TSPAN9: variants seen among roughly 807,000 people sequenced by gnomAD.
TSPAN9 encodes the protein tetraspanin 9, also known as tetraspanin-9.
A neutral mutation model predicts 31.0 loss-of-function variants in TSPAN9; 16 were observed. That is an observed-to-expected ratio of 0.52 (90% CI 0.35 to 0.78). TSPAN9 has a LOEUF of 0.78. Ranked by LOEUF, TSPAN9 falls within the 30% of genes least tolerant of loss-of-function variation. The probability of loss-of-function intolerance (pLI) is 0.01; values close to 1 mark genes in which losing one functional copy is unlikely to be tolerated. For synonymous variants in TSPAN9, 145 were observed against 121.6 expected (o/e 1.19, Z -1.27); for missense variants, 272 against 312.5 (o/e 0.87, Z 0.98).
intron 2 of TSPAN9, among the ~76,000 whole-genome samples, chr12:3,183,468 T>C (rs73252610): frequency 0.016 from 2,473 of 152,200 alleles, 72 homozygotes; most frequent in African/African-American, 0.057. Flanking sequence ...CCAGAGAGGC[T>C]CTAGTTTGGG....
At chr12:3,140,739 G>T (rs2098334404) in intron 2 of TSPAN9, among the ~76,000 whole-genome samples, 1 of 152,082 alleles carries the variant, frequency 6.6e-6, no homozygotes, top group Admixed American at 6.5e-5. Context: ...GGATGTTTGG[G>T]GTGTGGGGGC....
intron 3 of TSPAN9, among the ~76,000 whole-genome samples, chr12:3,223,090 G>T (rs192726593): frequency 6.6e-6 from 1 of 152,322 alleles, no homozygotes; most frequent in African/African-American, 2.4e-5. Flanking sequence ...CATCAGTGCC[G>T]TTGCCTCTAT....
At chr12:3,131,697 C>T (rs2098329890) in intron 2 of TSPAN9, among the ~76,000 whole-genome samples, 1 of 152,178 alleles carries the variant, frequency 6.6e-6, no homozygotes, top group Non-Finnish European at 1.5e-5. Context: ...GTCGGATAGG[C>T]CCTCAGGTGT....
chr12:3,149,233 G>A (rs772055617), intron 2 of TSPAN9, among the ~76,000 whole-genome samples: 2 of 152,138 alleles, frequency 1.3e-5, no homozygotes, highest in Non-Finnish European at 2.9e-5. Context: ...TGTTTCTTCC[G>A]GCTTACTGGT....
intron 2 of TSPAN9, among the ~76,000 whole-genome samples, chr12:3,131,647 C>A (rs79365925): frequency 0.044 from 6,703 of 152,186 alleles, 467 homozygotes; most frequent in African/African-American, 0.15. Flanking sequence ...AGGTTCCATA[C>A]TCTGGGAACT....
intron 2 of TSPAN9, among the ~76,000 whole-genome samples, chr12:3,175,086 A>C (rs2098354760): frequency 6.6e-6 from 1 of 152,102 alleles, no homozygotes; most frequent in African/African-American, 2.4e-5. Flanking sequence ...CACAACCCTG[A>C]GTGCTGTGCA....
rs1044056984 is a variant in TSPAN9, at chr12:3,165,821, A to T, written c.-17-35356A>T. Among the ~76,000 whole-genome samples, 4 of 152,284 alleles carry T rather than the reference A, an allele frequency of 2.6e-5. No homozygotes were observed. In the East Asian group the frequency reaches 5.8e-4, roughly 22 times the overall value. ...GCTGCCTCCTAGAATCTGCTGCATC[A>T]TTGGAGTTGCCGAGCTCCCAGGGGT... On this transcript the variant is annotated intron_variant, in intron 2 of 8. Coordinates refer to ENST00000011898, the MANE Select transcript of TSPAN9 (RefSeq NM_006675.5).
intron 3 of TSPAN9, among the ~76,000 whole-genome samples, chr12:3,230,733 T>C (rs978910315): frequency 2.6e-5 from 4 of 152,018 alleles, no homozygotes; most frequent in African/African-American, 9.7e-5. Context: ...CTGCCCTCAG[T>C]TATCTCCTTC....
chr12:3,125,029 C>CTTTA (rs1459820783), intron 2 of TSPAN9: 1 of 152,020 alleles, frequency 6.6e-6, no homozygotes, highest in East Asian at 1.9e-4. Context: ...TGCCATTGTG[C>CTTTA]TTTAGCCTGG....
intron 3 of TSPAN9, chr12:3,211,573 T>C (rs1346797613): frequency 6.5e-6 from 7 of 1,083,272 alleles, no homozygotes; most frequent in Non-Finnish European, 8.0e-6. Context: ...TCATTCATCA[T>C]CTTAGGGAAA....
intron 2 of TSPAN9, among the ~76,000 whole-genome samples, chr12:3,142,117 G>A (rs1433127144): frequency 6.6e-6 from 1 of 152,130 alleles, no homozygotes; most frequent in African/African-American, 2.4e-5. Flanking sequence ...AGAGGTTAAG[G>A]AAGCTGCCCA....
intron 2 of TSPAN9, among the ~76,000 whole-genome samples, chr12:3,109,299 T>TGTGTGTGTGTGAGA (rs1274383200): frequency 1.3e-4 from 15 of 118,290 alleles, no homozygotes; most frequent in African/African-American, 6.8e-4. Context: ...TGTGTGTGTG[T>TGTGTGTGTGTGAGA]GAGAGAGAGT....
In TSPAN9 at chr12:3,285,255, G is replaced by T. The variant is rs71577863; in HGVS notation, c.*2139G>T. On this transcript the variant is annotated 3_prime_UTR_variant, in exon 9 of 9. Coordinates refer to ENST00000011898, the MANE Select transcript of TSPAN9 (RefSeq NM_006675.5). ...CACGGTGGGACCCGGGGCCTCGTGC[G>T]TTTTTTGCTGTGGGTGGGGTGGGTG... is the stretch of plus-strand genomic sequence containing the variant. The T allele has an allele frequency of 3.5e-4, 3 of 8,564 alleles. No individual in the cohort carries two copies. Among genetic ancestry groups the T allele is most frequent in the African/African-American group, 6.3e-4 (1 of 1,576 alleles). The allele number at this position is 8,564 out of a possible 1,614,324, so 0.5% of individuals were successfully genotyped here. A position where few individuals can be genotyped will look rare whatever the true frequency, so the allele number is the denominator to read the frequency against.
intron 2 of TSPAN9, among the ~76,000 whole-genome samples, chr12:3,133,209 C>T (rs2098330577): frequency 6.6e-6 from 1 of 152,084 alleles, no homozygotes; most frequent in Non-Finnish European, 1.5e-5. Flanking sequence ...TGCCTCCGTG[C>T]ACAGGCCCCA....
At chr12:3,098,972 C>T (rs576805631) in intron 2 of TSPAN9, among the ~76,000 whole-genome samples, 5 of 152,160 alleles carry the variant, frequency 3.3e-5, no homozygotes, top group East Asian at 1.9e-4. Context: ...AGGCTGGTCT[C>T]GAACTCCTGA....
chr12:3,191,416 C>G (rs1360415715), intron 2 of TSPAN9, among the ~76,000 whole-genome samples: 1 of 152,182 alleles, frequency 6.6e-6, no homozygotes, highest in African/African-American at 2.4e-5. Context: ...CCCCTTCCCC[C>G]CTGCCTGTCC....
rs551533280 is a variant in TSPAN9 at position 3,119,551 on chromosome 12, C to G, written c.-18+35832C>G. The stretch of plus-strand genomic sequence containing the variant: ...TGCTTTTTTCTGCAGGAAGTCTTGG[C>G]CTTCTCTCCCTCCCCATCCTCTCAG... On this transcript the variant is annotated intron_variant, in intron 2 of 8. Transcript: ENST00000011898. Among the ~76,000 whole-genome samples the G allele has an allele frequency of 1.2e-3, 178 of 152,300 alleles. 1 individual carries two copies. Among genetic ancestry groups the G allele is most frequent in the African/African-American group, 4.2e-3 (176 of 41,568 alleles).
intron 2 of TSPAN9, among the ~76,000 whole-genome samples, chr12:3,122,264 G>T (rs1340919809): frequency 1.4e-5 from 2 of 146,780 alleles, no homozygotes; most frequent in Non-Finnish European, 3.0e-5. Context: ...AACCCGGGAG[G>T]TGGAGCTTGC....
At chr12:3,190,996 A>G (rs758620) in intron 2 of TSPAN9, among the ~76,000 whole-genome samples, 150,620 of 152,222 alleles carry the variant, frequency 0.99, 74,547 homozygotes, top group Middle Eastern at 1. Flanking sequence ...AGGATTAACT[A>G]TGCGTTATTG....
Sources: gnomAD v4.1 joint callset for allele counts (sites outside exome capture counted in the v4.1 genomes callset) on GRCh38, gnomAD v4.1.1 for gene constraint, MANE v1.5 for transcripts, NCBI Gene and HGNC (gene_info 2026-07-23, HGNC 2026-07-21) for gene names.